Variants in RABL6 observed in about 807,000 individuals in gnomAD.
The protein encoded by RABL6 is RAB, member RAS oncogene family like 6.
A neutral mutation model predicts 72.9 loss-of-function variants in RABL6; 28 were observed. The ratio of observed to expected loss-of-function variants is 0.38; its 90% confidence interval spans 0.28 to 0.53. The LOEUF (loss-of-function observed/expected upper bound fraction) is 0.53. Among genes scored for constraint, RABL6 ranks in the 20% least tolerant of loss-of-function variants. RABL6 has a pLI of 0.80. For missense variants in RABL6, 1,029 were observed against 1,008.4 expected, an observed-to-expected ratio of 1.02 and a Z score of -0.28; for synonymous variants, 477 against 421.2, an observed-to-expected ratio of 1.13 and a Z score of -1.62.
intron 8 of RABL6, chr9:136,836,829 TG>T (rs1195428514): frequency 3.7e-6 from 1 of 269,796 alleles, no homozygotes. Flanking sequence ...TCAGGGGAGC[TG>T]GACACATGTA....
rs140856005 is a variant in RABL6, at chr9:136,832,969, T to C, written c.705+599T>C. 86 of 337,712 alleles carry C rather than the reference T, an allele frequency of 2.5e-4. 1 individual carries two copies. In the East Asian group the frequency reaches 6.9e-3, roughly 27 times the overall value. 20.9% of individuals were successfully genotyped at this position (337,712 alleles called of 1,614,324 possible). On this transcript the variant is annotated intron_variant, in intron 7 of 14. Transcript: ENST00000311502. ...CTCGCCCTGGGCTGCCCTGATTGGG[T>C]CTGGGGGACCTGAACCTCCTCGCCC...
In RABL6 at chr9:136,834,052, G is replaced by A. The variant is rs7858150; in HGVS notation, c.705+1682G>A. 4.7e-3 allele frequency: 6,749 copies of A among 1,445,782 alleles called. 267 individuals are homozygous for A. In the African/African-American group the frequency reaches 0.085, roughly 18 times the overall value. 89.6% of individuals were successfully genotyped at this position (1,445,782 alleles called of 1,614,324 possible). On this transcript the variant is annotated intron_variant, in intron 7 of 14. Transcript: ENST00000311502. Reference sequence around the variant, plus strand: ...CTGGAAGCGTAGGGCTGAGCTGTGTGTGACTATCCTTTTGCTATGGATGTG... The same window carrying A: ...CTGGAAGCGTAGGGCTGAGCTGTGTATGACTATCCTTTTGCTATGGATGTG...
chr9:136,829,810 G>A (rs1297884640), intron 5 of RABL6, among the ~76,000 whole-genome samples: 1 of 152,242 alleles, frequency 6.6e-6, no homozygotes, highest in East Asian at 1.9e-4. Flanking sequence ...CTTGTGCTGG[G>A]GGCTCCCCGC....
At chr9:136,833,466 C>A in intron 7 of RABL6, 1 of 508,068 alleles carries the variant, frequency 2.0e-6, no homozygotes, top group East Asian at 3.9e-5. Flanking sequence ...ACCTGTACCT[C>A]CTCGCCCTGG....
At chr9:136,822,196 G>GA (rs1409368562) in intron 1 of RABL6, 2 of 912,660 alleles carry the variant, frequency 2.2e-6, no homozygotes, top group East Asian at 6.8e-5. Flanking sequence ...AGAAAACCTG[G>GA]GGGGGGCGTT....
At chr9:136,828,342 G>T in intron 3 of RABL6, 152 bp from the exon 4 acceptor site, 1 of 717,628 alleles carries the variant, frequency 1.4e-6, no homozygotes, top group Non-Finnish European at 2.4e-6. Flanking sequence ...CTGCTCCAGA[G>T]CTTGTGGGTG....
chr9:136,821,845 G>A, intron 1 of RABL6: 2 of 1,211,504 alleles, frequency 1.7e-6, no homozygotes, highest in South Asian at 2.9e-5. Context: ...GGTGGGCTCG[G>A]CCGGGAGAAG....
intron 1 of RABL6, 134 bp downstream of exon 1, chr9:136,808,460 C>T (rs1847919006): frequency 3.0e-6 from 3 of 1,008,060 alleles, no homozygotes; most frequent in Non-Finnish European, 3.8e-6. Flanking sequence ...GCCGGGCGCT[C>T]CGGGAGCGGG....
chr9:136,821,351 CG>C (rs1848232139), intron 1 of RABL6: 6 of 985,354 alleles, frequency 6.1e-6, no homozygotes, highest in Non-Finnish European at 7.2e-6. Flanking sequence ...GACCCGGAGA[CG>C]GGACCACCGC....
At chr9:136,835,555 ATCC>A in intron 7 of RABL6, 184 bp from the exon 8 acceptor site, 1 of 572,382 alleles carries the variant, frequency 1.7e-6, no homozygotes, top group South Asian at 2.3e-5. Context: ...CCGCAGAGGA[ATCC>A]TCTGGGCTTC....
At position 136,840,908 on chromosome 9, in the gene RABL6, C is replaced by T. The variant is rs1848685029; in HGVS notation, c.*386C>T. The T allele has an allele frequency of 1.3e-6, 2 of 1,494,238 alleles. No homozygotes were observed. Among genetic ancestry groups the T allele is most frequent in the Admixed American group, 2.3e-5 (1 of 43,530 alleles). The allele number at this position is 1,494,238 out of a possible 1,614,324, so 92.6% of individuals were successfully genotyped here. The stretch of plus-strand genomic sequence containing the variant: ...GTGCGCTGCCCCGGCACCTGCTTGC[C>T]CTCCGCGCTCATCTGGGGCCGCAGC... On this transcript the variant is annotated 3_prime_UTR_variant, in exon 15 of 15. Transcript: ENST00000311502.
intron 1 of RABL6, chr9:136,814,202 C>A: frequency 3.8e-6 from 1 of 260,618 alleles, no homozygotes; most frequent in Admixed American, 5.1e-5. Context: ...GTTTTTCTTT[C>A]TTTTTCGAGA....
At chr9:136,837,135 A>G in intron 8 of RABL6, 1 of 701,270 alleles carries the variant, frequency 1.4e-6, no homozygotes, top group Non-Finnish European at 2.6e-6. Flanking sequence ...TTGGCCTCCT[A>G]CAGTGCTGGG....
intron 1 of RABL6, chr9:136,821,431 G>A (rs2131172807): frequency 1.0e-6 from 1 of 985,440 alleles, no homozygotes; most frequent in Non-Finnish European, 1.2e-6. Context: ...AGGCAGGGCC[G>A]CCGCTCAGGC....
At chr9:136,811,283 A>G (rs996086909) in intron 1 of RABL6, among the ~76,000 whole-genome samples, 8 of 152,128 alleles carry the variant, frequency 5.3e-5, no homozygotes, top group East Asian at 1.9e-4. Flanking sequence ...AGGCGGGACA[A>G]CTTGAAGTGG....
At chr9:136,811,286 TG>T (rs1848005850) in intron 1 of RABL6, among the ~76,000 whole-genome samples, 2 of 152,112 alleles carry the variant, frequency 1.3e-5, no homozygotes, top group Admixed American at 1.3e-4. Context: ...CGGGACAACT[TG>T]AAGTGGGGGC....
chr9:136,834,426 T>C lies in RABL6; in HGVS notation c.706-1316T>C, dbSNP rs1262383767. The C allele has an allele frequency of 7.1e-6, 7 of 986,114 alleles. No individual in the cohort carries two copies. In the South Asian group the frequency reaches 3.3e-4, roughly 46 times the overall value. 61.1% of individuals were successfully genotyped at this position (986,114 alleles called of 1,614,324 possible). On this transcript the variant is annotated intron_variant, in intron 7 of 14. Transcript: ENST00000311502. The stretch of plus-strand genomic sequence containing the variant: ...TTTGGTTGACAAGTCTGTAGATTTC[T>C]CTTTGTAAATCACATTTTTTTGTTG...
intron 11 of RABL6, 36 bp downstream of exon 11, chr9:136,839,157 A>G: frequency 6.2e-7 from 1 of 1,606,530 alleles, no homozygotes; most frequent in Middle Eastern, 1.8e-4. Context: ...CGGCCTGGAG[A>G]CCCGGGTGGG....
At position 136,838,991 on chromosome 9, in the gene RABL6, C is replaced by A. The variant is rs770678616; in HGVS notation, c.1363C>A (p.Pro455Thr). The change falls in exon 11 of 15, where the codon CCC becomes ACC. Residue 455 changes from proline to threonine, a missense_variant. Physicochemically the swap from Pro to Thr is conservative, Grantham distance 38. Transcript: ENST00000311502. ...VDLEDQPRGSPPLPAGPVPSQ... is the reference protein window; with the variant it reads ...VDLEDQPRGSTPLPAGPVPSQ... ...CCTCGAAGACCAGCCACGTGGGAGTCCCCCGCTGCCTGCAGGCCCCGTCCC... is the reference window on the plus strand; with the variant it reads ...CCTCGAAGACCAGCCACGTGGGAGTACCCCGCTGCCTGCAGGCCCCGTCCC... The A allele has an allele frequency of 4.3e-6, 7 of 1,611,890 alleles. No homozygotes were observed. Among genetic ancestry groups the A allele is most frequent in the Non-Finnish European group, 5.1e-6 (6 of 1,179,568 alleles).
Sources: gnomAD v4.1 joint callset for allele counts (sites outside exome capture counted in the v4.1 genomes callset) on GRCh38, gnomAD v4.1.1 for gene constraint, MANE v1.5 for transcripts, NCBI Gene and HGNC (gene_info 2026-07-23, HGNC 2026-07-21) for gene names.